Variants in OXA1L observed in about 807,000 individuals in gnomAD.
OXA1L encodes mitochondrial inner membrane protein OXA1L.
Under a neutral mutation model 52.2 loss-of-function variants are expected in OXA1L, and 42 were observed. The ratio of observed to expected loss-of-function variants is 0.80; its 90% CI spans 0.63 to 1.04. The LOEUF is 1.04. OXA1L is among the 50% of genes least tolerant of loss of function. The pLI is 0.00. For missense variants in OXA1L, 572 were observed against 555.0 expected, an observed-to-expected ratio of 1.03 and a Z score of -0.31; for synonymous variants, 239 against 201.9, an observed-to-expected ratio of 1.18 and a Z score of -1.56.
chr14:22,770,787 C>G lies in OXA1L; in HGVS notation c.835-18C>G. The G allele has an allele frequency of 6.2e-7, 1 of 1,608,930 alleles. No homozygotes were observed. Among genetic ancestry groups the G allele is most frequent in the East Asian group, 2.2e-5 (1 of 44,870 alleles). ...ACTGACAGCTTTCCCGACTTTTCCA[C>G]CCCACTTCTTTTGGCAGCTAGGTGC... On this transcript the variant is annotated intron_variant, in intron 6 of 9. Transcript: ENST00000612549.
At position 22,771,754 on chromosome 14, in the gene OXA1L, A is replaced by G. The variant is rs2038468261; in HGVS notation, c.*196A>G. On this transcript the variant is annotated 3_prime_UTR_variant, in exon 10 of 10. Coordinates refer to ENST00000612549, the MANE Select transcript of OXA1L (RefSeq NM_005015.5). ...CACTGGGTAGCCAAGTGATCTTCCC[A>G]TTCACAGAGTTAGTAAACCTCTGTA... The G allele has an allele frequency of 1.6e-6, 1 of 614,630 alleles. No homozygotes were observed. The highest frequency in any genetic ancestry group is 2.8e-5 in the East Asian group (1 of 36,104). The allele number at this position is 614,630 out of a possible 1,614,324, so 38.1% of individuals were successfully genotyped here. A position where few individuals can be genotyped will look rare whatever the true frequency, so the allele number is the denominator to read the frequency against.
intron 1 of OXA1L, 31 bp from the exon 2 acceptor site, chr14:22,767,217 A>C: frequency 6.3e-7 from 1 of 1,587,408 alleles, no homozygotes; most frequent in Non-Finnish European, 8.6e-7. Flanking sequence ...GCTCCCGGTA[A>C]AGGGGCTCCA....
rs190196268 is a variant in OXA1L, at chr14:22,771,816, A to T, written c.*258A>T. On this transcript the variant is annotated 3_prime_UTR_variant, in exon 10 of 10. Transcript: ENST00000612549. ...TTCCTGATACTTATTGAACAGGGAA[A>T]TCAGTGTGCACTTCAGAAAACTGAA... 6.6e-6 allele frequency: 3 copies of T among 453,090 alleles called. No homozygotes were observed. The East Asian group carries it at 1.1e-4, about 17-fold the overall frequency. 28.1% of individuals were successfully genotyped at this position (453,090 alleles called of 1,614,324 possible). A position where few individuals can be genotyped will look rare whatever the true frequency, so the allele number is the denominator to read the frequency against.
Position 22,770,284 on chromosome 14 carries a change from C to T in OXA1L, c.669+6C>T. ...TCATTCTCCCTGTGACTCAGGTGAG[C>T]AAAAACATTTCCTTCCTTATTTCAT... On this transcript the variant is annotated splice_donor_region_variant and intron_variant, in intron 5 of 9. Coordinates refer to ENST00000612549, the MANE Select transcript of OXA1L (RefSeq NM_005015.5). 1 of 1,590,834 alleles carries T rather than the reference C, an allele frequency of 6.3e-7. No homozygotes were observed. The highest frequency in any genetic ancestry group is 8.6e-7 in the Non-Finnish European group (1 of 1,158,932).
In OXA1L at chr14:22,770,917, A is replaced by G. The variant is rs1208000269; in HGVS notation, c.939+8A>G. 1.2e-6 allele frequency: 2 copies of G among 1,613,404 alleles called. No homozygotes were observed. The highest frequency in any genetic ancestry group is 2.2e-5 in the East Asian group (1 of 44,892). ...ACCATGCATTTCCCCACGGTATGTAATGCCTTATGGGCTGGCTCCAAGGCC... is the reference window on the plus strand; with the variant it reads ...ACCATGCATTTCCCCACGGTATGTAGTGCCTTATGGGCTGGCTCCAAGGCC... On this transcript the variant is annotated splice_region_variant and intron_variant, in intron 7 of 9. Coordinates refer to ENST00000612549, the MANE Select transcript of OXA1L (RefSeq NM_005015.5).
rs1210378628 is a variant in OXA1L, at chr14:22,769,850, G to C, written c.499G>C (p.Ala167Pro). ...PLIVTGQREA[A>P]RIHNHLPEIQ... is the part of the protein sequence containing the mutation. ...CATCGTGACGGGCCAGCGAGAGGCA[G>C]CCAGGATCCACAATCACTTGCCAGA... The change falls in exon 4 of 10, where the codon GCC becomes CCC. Residue 167 changes from alanine to proline, a missense_variant. Physicochemically the swap from Ala to Pro is conservative, Grantham distance 27 (BLOSUM62 -1). Coordinates refer to ENST00000612549, the MANE Select transcript of OXA1L (RefSeq NM_005015.5). 3 of 1,614,162 alleles carry C rather than the reference G, an allele frequency of 1.9e-6. No individual in the cohort carries two copies. The highest frequency in any genetic ancestry group is 3.3e-5 in the Admixed American group (2 of 60,022).
chr14:22,766,905 A>G, intron 1 of OXA1L, 141 bp downstream of exon 1: 2 of 1,520,432 alleles, frequency 1.3e-6, no homozygotes, highest in South Asian at 1.2e-5. Context: ...TCATGTGAGG[A>G]CGCGCTAGGG....
chr14:22,766,698 C>A lies in OXA1L; in HGVS notation c.-4C>A. Reference sequence around the variant, plus strand: ...GCGCAAAAGCAAGTCCTCTTCCGGGCAAAATGGCGATGGGACTAATGTGCG... The same window carrying A: ...GCGCAAAAGCAAGTCCTCTTCCGGGAAAAATGGCGATGGGACTAATGTGCG... On this transcript the variant is annotated 5_prime_UTR_variant, in exon 1 of 10. Coordinates refer to ENST00000612549, the MANE Select transcript of OXA1L (RefSeq NM_005015.5). The A allele has an allele frequency of 6.2e-7, 1 of 1,614,270 alleles. No individual in the cohort carries two copies. The highest frequency in any genetic ancestry group is 2.2e-5 in the East Asian group (1 of 44,892).
chr14:22,770,406 G>C, intron 5 of OXA1L, 55 bp from the exon 6 acceptor site: 1 of 1,592,168 alleles, frequency 6.3e-7, no homozygotes, highest in South Asian at 1.1e-5. Flanking sequence ...GTAGTGGGGT[G>C]ATGAAAATGT....
chr14:22,767,381 C>G lies in OXA1L; in HGVS notation c.197C>G (p.Thr66Ser). 6.2e-7 allele frequency: 1 copy of G among 1,612,258 alleles called. No homozygotes were observed. The highest frequency in any genetic ancestry group is 8.5e-7 in the Non-Finnish European group (1 of 1,179,390). ...LAASGPRSLSTSAISFAEVQV... is the reference protein window; with the variant it reads ...LAASGPRSLSSSAISFAEVQV... Reference sequence around the variant, plus strand: ...GCTTCCGGCCCCCGCAGCCTCAGTACCTCTGCTATCTCTTTTGCAGAAGTC... The same window carrying G: ...GCTTCCGGCCCCCGCAGCCTCAGTAGCTCTGCTATCTCTTTTGCAGAAGTC... Residue 66 changes from threonine to serine, a missense_variant, in exon 2 of 10, where the codon ACC (threonine) becomes AGC (serine). By Grantham distance (58) the Thr-to-Ser change is moderately conservative. Transcript: ENST00000612549.
In OXA1L at chr14:22,771,735, G is replaced by A. The variant is rs2038468185; in HGVS notation, c.*177G>A. ...ACTTATGTTTATAAGAGAGCACTGG[G>A]TAGCCAAGTGATCTTCCCATTCACA... On this transcript the variant is annotated 3_prime_UTR_variant, in exon 10 of 10. Coordinates refer to ENST00000612549, the MANE Select transcript of OXA1L (RefSeq NM_005015.5). 5 of 662,170 alleles carry A rather than the reference G, an allele frequency of 7.6e-6. No homozygotes were observed. The East Asian group carries it at 1.1e-4, about 14-fold the overall frequency. 41.0% of individuals were successfully genotyped at this position (662,170 alleles called of 1,614,324 possible). A position where few individuals can be genotyped will look rare whatever the true frequency, so the allele number is the denominator to read the frequency against.
chr14:22,766,907 G>A (rs2038409857), intron 1 of OXA1L, 143 bp downstream of exon 1: 1 of 1,517,470 alleles, frequency 6.6e-7, no homozygotes, highest in Non-Finnish European at 8.8e-7. Flanking sequence ...ATGTGAGGAC[G>A]CGCTAGGGTT....
At position 22,771,721 on chromosome 14, in the gene OXA1L, T is replaced by G; in HGVS notation, c.*163T>G. 1.4e-6 allele frequency: 1 copy of G among 719,178 alleles called. No homozygotes were observed. Among genetic ancestry groups the G allele is most frequent in the Non-Finnish European group, 2.3e-6 (1 of 428,696 alleles). 44.5% of individuals were successfully genotyped at this position (719,178 alleles called of 1,614,324 possible). ...TGAAACACTCTTGTACTTATGTTTATAAGAGAGCACTGGGTAGCCAAGTGA... is the reference window on the plus strand; with the variant it reads ...TGAAACACTCTTGTACTTATGTTTAGAAGAGAGCACTGGGTAGCCAAGTGA... On this transcript the variant is annotated 3_prime_UTR_variant, in exon 10 of 10. Coordinates refer to ENST00000612549, the MANE Select transcript of OXA1L (RefSeq NM_005015.5).
In OXA1L at chr14:22,770,628, A is replaced by G; in HGVS notation, c.834+3A>G. On this transcript the variant is annotated splice_donor_region_variant and intron_variant, in intron 6 of 9. Coordinates refer to ENST00000612549, the MANE Select transcript of OXA1L (RefSeq NM_005015.5). The stretch of plus-strand genomic sequence containing the variant: ...CTACAATGTGGGCTGTTCTTGAGGT[A>G]AGCCCAGATTGGCCAAGTGCCAGGC... 1 of 1,608,724 alleles carries G rather than the reference A, an allele frequency of 6.2e-7. No individual in the cohort carries two copies. Among genetic ancestry groups the G allele is most frequent in the East Asian group, 2.2e-5 (1 of 44,732 alleles).
At chr14:22,767,146 G>A in intron 1 of OXA1L, 102 bp from the exon 2 acceptor site, 2 of 1,537,778 alleles carry the variant, frequency 1.3e-6, no homozygotes, top group Non-Finnish European at 1.7e-6. Flanking sequence ...TAGTGGCCGA[G>A]CTGCCTGCTT....
intron 1 of OXA1L, 31 bp from the exon 2 acceptor site, chr14:22,767,217 A>G (rs2038414652): frequency 1.9e-6 from 3 of 1,587,290 alleles, no homozygotes; most frequent in Admixed American, 1.8e-5. Context: ...GCTCCCGGTA[A>G]AGGGGCTCCA....
chr14:22,767,210 C>T (rs778934427), intron 1 of OXA1L, 38 bp from the exon 2 acceptor site: 3 of 1,581,256 alleles, frequency 1.9e-6, no homozygotes, highest in Non-Finnish European at 2.6e-6. Context: ...GACTTCTGCT[C>T]CCGGTAAAGG....
At chr14:22,767,163 G>A in intron 1 of OXA1L, 85 bp from the exon 2 acceptor site, 2 of 1,551,950 alleles carry the variant, frequency 1.3e-6, no homozygotes, top group Non-Finnish European at 1.7e-6. Context: ...GCTTCTTGGG[G>A]AGTTAGCATA....
At chr14:22,769,255 T>C (rs1285937813) in intron 3 of OXA1L, among the ~76,000 whole-genome samples, 1 of 152,242 alleles carries the variant, frequency 6.6e-6, no homozygotes, top group Non-Finnish European at 1.5e-5. Context: ...GCCCATGATT[T>C]CATTTGTTTT....
Sources: gnomAD v4.1 joint callset for allele counts (sites outside exome capture counted in the v4.1 genomes callset) on GRCh38, gnomAD v4.1.1 for gene constraint, MANE v1.5 for transcripts, NCBI Gene and HGNC (gene_info 2026-07-23, HGNC 2026-07-21) for gene names.